The following SHROOM3 variants were observed in gnomAD, a reference collection of about 807,000 sequenced individuals.
SHROOM3 encodes shroom family member 3, also known as protein Shroom3.
Under a neutral mutation model 138.6 loss-of-function variants are expected in SHROOM3, and 47 were observed. That is an observed-to-expected ratio of 0.34 (90% CI 0.27 to 0.43). SHROOM3 has a LOEUF of 0.43. SHROOM3 is among the 20% of genes least tolerant of loss of function. The pLI is 1.00. For synonymous variants in SHROOM3, 1,062 were observed against 1,063.3 expected, an observed-to-expected ratio of 1.00 and a Z score of 0.02; for missense variants, 2,491 against 2,596.5, an observed-to-expected ratio of 0.96 and a Z score of 0.88.
intron 1 of SHROOM3, among the ~76,000 whole-genome samples, chr4:76,538,835 T>C (rs1201648143): frequency 3.3e-5 from 5 of 152,332 alleles, no homozygotes; most frequent in African/African-American, 9.6e-5. Flanking sequence ...TCTGTTATAA[T>C]AATCTCCTTT....
At chr4:76,730,466 G>A (rs1221314490) in intron 3 of SHROOM3, among the ~76,000 whole-genome samples, 1 of 152,286 alleles carries the variant, frequency 6.6e-6, no homozygotes, top group East Asian at 1.9e-4. Flanking sequence ...GAAAGACCAA[G>A]GCAACTCCAT....
At chr4:76,545,906 T>C (rs1733206836) in intron 1 of SHROOM3, among the ~76,000 whole-genome samples, 1 of 152,234 alleles carries the variant, frequency 6.6e-6, no homozygotes, top group Admixed American at 6.5e-5. Context: ...CCCATCTTTA[T>C]ACACCTCACC....
chr4:76,471,058 C>T (rs1215914763), intron 1 of SHROOM3, among the ~76,000 whole-genome samples: 4 of 152,012 alleles, frequency 2.6e-5, no homozygotes, highest in African/African-American at 7.3e-5. Context: ...GATTACTTTA[C>T]GATACTCAAC....
At chr4:76,506,983 A>T (rs976281515) in intron 1 of SHROOM3, among the ~76,000 whole-genome samples, 1 of 152,348 alleles carries the variant, frequency 6.6e-6, no homozygotes, top group South Asian at 2.1e-4. Context: ...AATATGGACC[A>T]AGGCATAAAA....
chr4:76,711,610 T>A (rs545639420), intron 3 of SHROOM3, among the ~76,000 whole-genome samples: 2 of 152,230 alleles, frequency 1.3e-5, no homozygotes, highest in Admixed American at 6.5e-5. Context: ...GGAGGATTGC[T>A]TGAACCTGGG....
At chr4:76,446,166 A>G (rs781570831) in intron 1 of SHROOM3, among the ~76,000 whole-genome samples, 2 of 152,136 alleles carry the variant, frequency 1.3e-5, no homozygotes, top group Non-Finnish European at 2.9e-5. Flanking sequence ...AGGTGGAGAG[A>G]CTGGACTCTT....
intron 2 of SHROOM3, among the ~76,000 whole-genome samples, chr4:76,680,683 C>T (rs969232361): frequency 1.3e-5 from 2 of 152,194 alleles, no homozygotes; most frequent in Non-Finnish European, 2.9e-5. Flanking sequence ...TCTAGAACTT[C>T]AGCAACTCTG....
In SHROOM3 at chr4:76,739,743, G is replaced by T; in HGVS notation, c.1570G>T (p.Gly524Cys). ...TGAGAATGGGAACCAGAATGGATCT[G>T]GCAGGCCTGGGTTTGCCTTCTGCCA... ...IDENGNQNGS[G>C]RPGFAFCQPL... Residue 524 changes from glycine (G) to cysteine (C), a missense_variant, in exon 5 of 11, where the codon GGC becomes TGC. This residue lies in a region of SHROOM3 where 1,733 missense variants were observed against 1,661.6 expected (regional missense o/e 1.04). Coordinates refer to ENST00000296043, the MANE Select transcript of SHROOM3 (RefSeq NM_020859.4). 1.9e-6 allele frequency: 3 copies of T among 1,614,226 alleles called. No homozygotes were observed. Among genetic ancestry groups the T allele is most frequent in the Admixed American group, 3.3e-5 (2 of 60,030 alleles).
At chr4:76,522,752 C>T (rs1297479531) in intron 1 of SHROOM3, among the ~76,000 whole-genome samples, 3 of 152,042 alleles carry the variant, frequency 2.0e-5, no homozygotes, top group Non-Finnish European at 4.4e-5. Context: ...CGTGCCATTG[C>T]ACTCCAGCTG....
chr4:76,485,609 A>G (rs551931980), intron 1 of SHROOM3, among the ~76,000 whole-genome samples: 4 of 152,312 alleles, frequency 2.6e-5, no homozygotes, highest in Admixed American at 6.5e-5. Flanking sequence ...ATATCAGACT[A>G]TTAAAGGCAG....
chr4:76,685,937 A>G (rs1408070383), intron 2 of SHROOM3, among the ~76,000 whole-genome samples: 1 of 152,190 alleles, frequency 6.6e-6, no homozygotes, highest in Non-Finnish European at 1.5e-5. Context: ...GCACCACTGC[A>G]CTCCAGCCTG....
chr4:76,445,919 A>G (rs968863330), intron 1 of SHROOM3, among the ~76,000 whole-genome samples: 1 of 152,196 alleles, frequency 6.6e-6, no homozygotes, highest in South Asian at 2.1e-4. Context: ...ACAACTGTCA[A>G]CATCATAGTA....
chr4:76,682,935 TGC>T (rs1235553993), intron 2 of SHROOM3, among the ~76,000 whole-genome samples: 10 of 152,224 alleles, frequency 6.6e-5, no homozygotes, highest in African/African-American at 2.2e-4. Flanking sequence ...TACCAGTCAA[TGC>T]AGTAATAGCT....
At chr4:76,518,649 G>A (rs887612491) in intron 1 of SHROOM3, among the ~76,000 whole-genome samples, 4 of 152,116 alleles carry the variant, frequency 2.6e-5, no homozygotes, top group African/African-American at 4.8e-5. Context: ...GTTCACATTT[G>A]GTAGGGTTCT....
chr4:76,496,308 C>T (rs1468007312), intron 1 of SHROOM3, among the ~76,000 whole-genome samples: 2 of 152,182 alleles, frequency 1.3e-5, no homozygotes, highest in Non-Finnish European at 2.9e-5. Context: ...GGAATTCACA[C>T]TGCACATGCA....
At chr4:76,762,348 A>G (rs563455108) in intron 9 of SHROOM3, among the ~76,000 whole-genome samples, 3 of 152,332 alleles carry the variant, frequency 2.0e-5, no homozygotes, top group Admixed American at 1.3e-4. Flanking sequence ...TCATGTTAAG[A>G]TGTTCAGTGA....
At chr4:76,564,361 C>A (rs1213476220) in intron 2 of SHROOM3, among the ~76,000 whole-genome samples, 1 of 152,136 alleles carries the variant, frequency 6.6e-6, no homozygotes, top group African/African-American at 2.4e-5. Context: ...TGGCCTCTGA[C>A]CCCCAGAAAC....
In SHROOM3 at chr4:76,759,731, C is replaced by T. The variant is rs1411295179; in HGVS notation, c.5349+36C>T. On this transcript the variant is annotated intron_variant, in intron 9 of 10. Coordinates refer to ENST00000296043, the MANE Select transcript of SHROOM3 (RefSeq NM_020859.4). ...AATGGGATGCCCTTGTTCAGCTTTC[C>T]TCAGAAAAATTGACAAGGTCCATGT... is the stretch of plus-strand genomic sequence containing the variant. The T allele has an allele frequency of 4.4e-6, 7 of 1,602,292 alleles. No individual in the cohort carries two copies. In the African/African-American group the frequency reaches 6.7e-5, roughly 15 times the overall value.
At chr4:76,519,681 G>T (rs1483939760) in intron 1 of SHROOM3, among the ~76,000 whole-genome samples, 4 of 152,142 alleles carry the variant, frequency 2.6e-5, no homozygotes, top group Non-Finnish European at 4.4e-5. Flanking sequence ...AGATTTTTCA[G>T]GACAGTCTTG....
Sources: allele counts gnomAD v4.1 joint callset (sites outside exome capture counted in the v4.1 genomes callset), GRCh38; gene constraint gnomAD v4.1.1; regional missense constraint gnomAD v4.1.1; transcripts MANE v1.5; gene names NCBI Gene and HGNC (gene_info 2026-07-23, HGNC 2026-07-21).